Variants in CPB1 observed in about 807,000 individuals in gnomAD.
The protein encoded by CPB1 is carboxypeptidase B.
Under a neutral mutation model 51.4 loss-of-function variants are expected in CPB1, and 53 were observed. The ratio of observed to expected loss-of-function variants is 1.03; its 90% CI spans 0.83 to 1.30. The LOEUF (loss-of-function observed/expected upper bound fraction) is 1.30. Among genes scored for constraint, CPB1 ranks in the 50% most tolerant of loss-of-function variants. The pLI, the probability that CPB1 is intolerant of heterozygous loss-of-function variation, is 0.00. For synonymous variants in CPB1, 189 were observed against 186.9 expected (o/e 1.01, Z -0.09); for missense variants, 494 against 516.2 (o/e 0.96, Z 0.42).
intron 2 of CPB1, among the ~76,000 whole-genome samples, chr3:148,833,029 TG>T (rs1397949895): frequency 6.6e-6 from 1 of 152,188 alleles, no homozygotes; most frequent in African/African-American, 2.4e-5. Flanking sequence ...TTCAAAAATA[TG>T]CTTTCTCTTA....
At chr3:148,829,885 A>G (rs1473153545) in intron 2 of CPB1, among the ~76,000 whole-genome samples, 1 of 151,982 alleles carries the variant, frequency 6.6e-6, no homozygotes, top group African/African-American at 2.4e-5. Flanking sequence ...TCAACTACCC[A>G]AGCTAGGGGG....
rs1713707965 is a variant in CPB1, at chr3:148,860,099, C to T, written c.*97C>T. ...GTTTGCCTGGATGTTTTGCAGATCCCAATCTTTCTTTTAAGCTTCTGGGTC... is the reference window on the plus strand; with the variant it reads ...GTTTGCCTGGATGTTTTGCAGATCCTAATCTTTCTTTTAAGCTTCTGGGTC... On this transcript the variant is annotated 3_prime_UTR_variant, in exon 11 of 11. Transcript: ENST00000282957. 8.4e-7 allele frequency: 1 copy of T among 1,192,456 alleles called. No homozygotes were observed. Among genetic ancestry groups the T allele is most frequent in the Non-Finnish European group, 1.2e-6 (1 of 839,796 alleles). 73.9% of individuals were successfully genotyped at this position (1,192,456 alleles called of 1,614,324 possible).
In CPB1 at chr3:148,834,496, A is replaced by G. The variant is rs748482610; in HGVS notation, c.148-2A>G. On this transcript the variant is annotated splice_acceptor_variant, in intron 2 of 10. Coordinates refer to ENST00000282957, the MANE Select transcript of CPB1 (RefSeq NM_001871.3). LOFTEE classifies it high-confidence loss of function. Reference sequence around the variant, plus strand: ...ATCCAATATATCTTGTCCTTTATTCAGATTGACTTCTGGAAGCCAGATTCT... The same window carrying G: ...ATCCAATATATCTTGTCCTTTATTCGGATTGACTTCTGGAAGCCAGATTCT... The G allele has an allele frequency of 6.2e-7, 1 of 1,613,136 alleles. No individual in the cohort carries two copies.
chr3:148,828,081 A>C lies in CPB1; in HGVS notation c.147+4A>C. ...CGAGTTGGCCAGCACGACCCAGGTAAGTAACAATTTTGATTTACTTCACAT... is the reference window on the plus strand; with the variant it reads ...CGAGTTGGCCAGCACGACCCAGGTACGTAACAATTTTGATTTACTTCACAT... On this transcript the variant is annotated splice_donor_region_variant and intron_variant, in intron 2 of 10. Transcript: ENST00000282957. 6.2e-7 allele frequency: 1 copy of C among 1,611,290 alleles called. No homozygotes were observed. The highest frequency in any genetic ancestry group is 8.5e-7 in the Non-Finnish European group (1 of 1,178,196).
At chr3:148,834,298 A>G (rs1712826797) in intron 2 of CPB1, among the ~76,000 whole-genome samples, 200 bp from the exon 3 acceptor site, 1 of 152,214 alleles carries the variant, frequency 6.6e-6, no homozygotes, top group African/African-American at 2.4e-5. Context: ...AATCAAGGTT[A>G]TGTATATATT....
chr3:148,834,473 C>A (rs750691866), intron 2 of CPB1, 25 bp from the exon 3 acceptor site: 2 of 1,603,796 alleles, frequency 1.2e-6, no homozygotes, highest in Non-Finnish European at 1.7e-6. Context: ...TTATAGGTAT[C>A]CAATATATCT....
chr3:148,840,624 GT>G, intron 3 of CPB1, 61 bp from the exon 4 acceptor site: 1 of 1,408,344 alleles, frequency 7.1e-7, no homozygotes, highest in Non-Finnish European at 1.0e-6. Context: ...GGGGTTTTAT[GT>G]GTGTTCACTG....
At chr3:148,858,869 A>G (rs1713671677) in intron 10 of CPB1, among the ~76,000 whole-genome samples, 1 of 152,218 alleles carries the variant, frequency 6.6e-6, no homozygotes, top group Non-Finnish European at 1.5e-5. Context: ...AAACACACAC[A>G]TGACAAAAGA....
chr3:148,833,740 TAA>T (rs72471320), intron 2 of CPB1, among the ~76,000 whole-genome samples: 10,754 of 145,312 alleles, frequency 0.074, 524 homozygotes, highest in African/African-American at 0.13. Flanking sequence ...ATCCACAGAT[TAA>T]AAAAAAAAAA....
chr3:148,838,559 T>A (rs534053650), intron 3 of CPB1: 2 of 152,338 alleles, frequency 1.3e-5, no homozygotes, highest in African/African-American at 4.8e-5. Context: ...TAGTTTTTTG[T>A]TATCCTTGAA....
chr3:148,854,588 C>T (rs1385977285), intron 9 of CPB1: 1 of 152,216 alleles, frequency 6.6e-6, no homozygotes, highest in Admixed American at 6.6e-5. Flanking sequence ...CCAATCTCCA[C>T]TCAGGTGGGT....
At chr3:148,851,945 A>C (rs1040071312) in intron 9 of CPB1, 1 of 152,340 alleles carries the variant, frequency 6.6e-6, no homozygotes, top group African/African-American at 2.4e-5. Context: ...TAGAATCTGG[A>C]ATTCAAACAA....
chr3:148,857,738 C>G (rs1713624582), intron 10 of CPB1, 197 bp downstream of exon 10: 3 of 469,150 alleles, frequency 6.4e-6, no homozygotes, highest in East Asian at 3.5e-5. Flanking sequence ...AAACTTTTCT[C>G]TAAAAAAAAT....
intron 6 of CPB1, among the ~76,000 whole-genome samples, chr3:148,843,958 A>C (rs544172857): frequency 3.9e-5 from 6 of 152,302 alleles, no homozygotes; most frequent in Admixed American, 3.9e-4. Context: ...TTTGAGAGGC[A>C]TTCTCATTAC....
intron 7 of CPB1, 22 bp downstream of exon 7, chr3:148,844,610 G>C (rs13318851): frequency 0.23 from 373,441 of 1,610,030 alleles, 44,501 homozygotes; most frequent in African/African-American, 0.31. Flanking sequence ...AATACTGAGA[G>C]AGGCTGATGA....
At chr3:148,834,990 C>T (rs544997898) in intron 3 of CPB1, among the ~76,000 whole-genome samples, 6 of 152,216 alleles carry the variant, frequency 3.9e-5, no homozygotes, top group East Asian at 1.9e-4. Flanking sequence ...AGGGGATCAG[C>T]GAGACCTATT....
chr3:148,834,639 T>A lies in CPB1; in HGVS notation c.272+17T>A. ...ACAATACAAGTAAGTTTATGTTTTATAAATATTAAAATTCTCTCCCATGCA... is the reference window on the plus strand; with the variant it reads ...ACAATACAAGTAAGTTTATGTTTTAAAAATATTAAAATTCTCTCCCATGCA... On this transcript the variant is annotated intron_variant, in intron 3 of 10. Transcript: ENST00000282957. The A allele has an allele frequency of 6.3e-7, 1 of 1,594,420 alleles. No individual in the cohort carries two copies. Among genetic ancestry groups the A allele is most frequent in the African/African-American group, 1.3e-5 (1 of 74,512 alleles).
intron 3 of CPB1, among the ~76,000 whole-genome samples, chr3:148,838,581 T>C (rs906847010): frequency 7.9e-5 from 12 of 152,224 alleles, no homozygotes; most frequent in Admixed American, 7.2e-4. Flanking sequence ...ATCATTTTCC[T>C]GAACTATTTT....
chr3:148,857,349 T>C, intron 9 of CPB1, 108 bp from the exon 10 acceptor site: 1 of 785,932 alleles, frequency 1.3e-6, no homozygotes, highest in South Asian at 1.7e-5. Context: ...TATAATACGA[T>C]CCAAATTGTT....
Sources: gnomAD v4.1 joint callset for allele counts (sites outside exome capture counted in the v4.1 genomes callset) on GRCh38, gnomAD v4.1.1 for gene constraint, MANE v1.5 for transcripts, NCBI Gene and HGNC (gene_info 2026-07-23, HGNC 2026-07-21) for gene names.